PCDHGA4: variants seen among roughly 807,000 people sequenced by gnomAD.
PCDHGA4 encodes the protein protocadherin gamma-A4.
A neutral mutation model predicts 54.6 loss-of-function variants in PCDHGA4; 38 were observed. The ratio of observed to expected loss-of-function variants is 0.70; its 90% CI spans 0.54 to 0.91. The LOEUF is 0.91. PCDHGA4 is among the 40% of genes least tolerant of loss of function. PCDHGA4 has a pLI of 0.00. For synonymous variants in PCDHGA4, 511 were observed against 512.9 expected (o/e 1.00, Z 0.05); for missense variants, 1,298 against 1,220.9 (o/e 1.06, Z -0.94).
chr5:141,463,548 A>C (rs2099063677), intron 1 of PCDHGA4, among the ~76,000 whole-genome samples: 1 of 140,798 alleles, frequency 7.1e-6, no homozygotes, highest in Non-Finnish European at 1.5e-5. Context: ...TCCCGGGTTC[A>C]TGCCATTCTC....
intron 1 of PCDHGA4, chr5:141,399,431 T>A (rs757950073): frequency 3.1e-6 from 5 of 1,613,970 alleles, no homozygotes; most frequent in Admixed American, 3.3e-5. Context: ...ATAAGCGTCA[T>A]CCTACATATC....
At chr5:141,376,200 C>A (rs1220789915) in intron 1 of PCDHGA4, 2 of 1,614,086 alleles carry the variant, frequency 1.2e-6, no homozygotes, top group Non-Finnish European at 1.7e-6. Context: ...GTCTTCCTGG[C>A]CTTCGTCATC....
At chr5:141,440,770 G>A (rs2098199385) in intron 1 of PCDHGA4, 1 of 152,176 alleles carries the variant, frequency 6.6e-6, no homozygotes, top group African/African-American at 2.4e-5. Flanking sequence ...CCATCCCTTA[G>A]TGCTAGCAGC....
chr5:141,395,195 C>T (rs1317395472), intron 1 of PCDHGA4: 1 of 1,613,760 alleles, frequency 6.2e-7, no homozygotes, highest in Admixed American at 1.7e-5. Context: ...TGTTAACATC[C>T]GTAGATTTTC....
rs2099884060 is a variant in PCDHGA4 at position 141,512,057 on chromosome 5, A to T, written c.*884A>T. 1 of 152,768 alleles carries T rather than the reference A, an allele frequency of 6.5e-6. No individual in the cohort carries two copies. Among genetic ancestry groups the T allele is most frequent in the South Asian group, 2.1e-4 (1 of 4,832 alleles). 9.5% of individuals were successfully genotyped at this position (152,768 alleles called of 1,614,324 possible). ...GGCTCTGTATGTCCTCAGGGGACTG[A>T]CAACATCCTCCAGATTCCAGCCATA... is the stretch of plus-strand genomic sequence containing the variant. On this transcript the variant is annotated 3_prime_UTR_variant, in exon 4 of 4. Coordinates refer to ENST00000571252, the MANE Select transcript of PCDHGA4 (RefSeq NM_018917.4).
chr5:141,409,714 C>T (rs1053132512), intron 1 of PCDHGA4: 1 of 1,613,226 alleles, frequency 6.2e-7, no homozygotes, highest in Non-Finnish European at 8.5e-7. Flanking sequence ...TGTCGTCATA[C>T]GTGTCAGTGA....
chr5:141,389,490 G>T, intron 1 of PCDHGA4: 1 of 1,613,044 alleles, frequency 6.2e-7, no homozygotes, highest in South Asian at 1.1e-5. Flanking sequence ...CCGCGACCAG[G>T]GCTCGCCAGC....
chr5:141,418,773 A>G, intron 1 of PCDHGA4: 2 of 1,613,904 alleles, frequency 1.2e-6, no homozygotes, highest in Non-Finnish European at 1.7e-6. Flanking sequence ...CTAACTCAGC[A>G]GCCTTTGGAT....
At chr5:141,370,613 A>G (rs753080361) in intron 1 of PCDHGA4, 6 of 1,613,908 alleles carry the variant, frequency 3.7e-6, no homozygotes, top group Non-Finnish European at 5.1e-6. Context: ...CAGAGAAGAA[A>G]TTCTTTACCG....
intron 1 of PCDHGA4, chr5:141,415,661 T>C: frequency 6.3e-7 from 1 of 1,582,308 alleles, no homozygotes; most frequent in East Asian, 2.3e-5. Flanking sequence ...AAGATTGGTT[T>C]TTACTTTGAA....
At chr5:141,383,494 G>A (rs1472112755) in intron 1 of PCDHGA4, 1 of 1,613,248 alleles carries the variant, frequency 6.2e-7, no homozygotes, top group Non-Finnish European at 8.5e-7. Context: ...GCTGGAGCGG[G>A]TGCTGGACCG....
chr5:141,421,288 C>T, intron 1 of PCDHGA4: 1 of 1,613,312 alleles, frequency 6.2e-7, no homozygotes, highest in Non-Finnish European at 8.5e-7. Context: ...GTGCATTTTC[C>T]TGGGGACGCT....
intron 1 of PCDHGA4, chr5:141,416,537 G>T (rs2096038948): frequency 6.6e-6 from 1 of 152,082 alleles, no homozygotes; most frequent in Admixed American, 6.6e-5. Context: ...AATGTATAAG[G>T]AGGCAAACAC....
At position 141,389,253 on chromosome 5, in the gene PCDHGA4, G is replaced by T. The variant is rs998614321; in HGVS notation, c.2514+31632G>T. The stretch of plus-strand genomic sequence containing the variant: ...GGTTTTCTCACAGTCTTCCTATATA[G>T]TCCACGTGGCCGAGAACAACCCGCC... On this transcript the variant is annotated intron_variant, in intron 1 of 3. Transcript: ENST00000571252. 1.9e-6 allele frequency: 3 copies of T among 1,613,892 alleles called. No homozygotes were observed. The highest frequency in any genetic ancestry group is 2.5e-6 in the Non-Finnish European group (3 of 1,179,902).
At chr5:141,404,773 C>T (rs753809742) in intron 1 of PCDHGA4, 1 of 1,613,856 alleles carries the variant, frequency 6.2e-7, no homozygotes, top group South Asian at 1.1e-5. Flanking sequence ...TCTCCTACCG[C>T]CTATTCAAGG....
At chr5:141,443,980 T>A (rs2098412674) in intron 1 of PCDHGA4, among the ~76,000 whole-genome samples, 1 of 152,036 alleles carries the variant, frequency 6.6e-6, no homozygotes, top group South Asian at 2.1e-4. Context: ...CTAAGCTATG[T>A]TAATTTTATT....
In PCDHGA4 at chr5:141,502,866, C is replaced by CTTTTTTTTTTTT. The variant is rs549047197; in HGVS notation, c.2574-2524_2574-2513dup. 2.4e-4 allele frequency among the ~76,000 whole-genome samples: 31 copies of CTTTTTTTTTTTT among 128,008 alleles called. 3 individuals are homozygous for CTTTTTTTTTTTT. Among genetic ancestry groups the CTTTTTTTTTTTT allele is most frequent in the African/African-American group, 3.4e-4 (11 of 32,350 alleles). 84.0% of individuals were successfully genotyped at this position (128,008 alleles called of 152,430 possible). ...GAGCTGCCTAACCCTGACTCTCTGT[C>CTTTTTTTTTTTT]TTTTTTTTTTTTTTGACAGGGAGTC... is the stretch of plus-strand genomic sequence containing the variant. On this transcript the variant is annotated intron_variant, in intron 2 of 3. Transcript: ENST00000571252.
chr5:141,409,756 C>G, intron 1 of PCDHGA4: 1 of 1,612,994 alleles, frequency 6.2e-7, no homozygotes, highest in Non-Finnish European at 8.5e-7. Context: ...TCGCGCAGCG[C>G]GCCTTTGATC....
At chr5:141,455,058 C>G (rs1350223657) in intron 1 of PCDHGA4, among the ~76,000 whole-genome samples, 9 of 151,814 alleles carry the variant, frequency 5.9e-5, no homozygotes, top group Admixed American at 5.9e-4. Context: ...GTGATCCGCC[C>G]GCCTCGGCCT....
Sources: gnomAD v4.1 joint callset for allele counts (sites outside exome capture counted in the v4.1 genomes callset) on GRCh38, gnomAD v4.1.1 for gene constraint, MANE v1.5 for transcripts, NCBI Gene and HGNC (gene_info 2026-07-23, HGNC 2026-07-21) for gene names.